ENOSF1: variants seen among roughly 807,000 people sequenced by gnomAD.
The protein encoded by ENOSF1 is enolase superfamily member 1.
Under a neutral mutation model 68.2 loss-of-function variants are expected in ENOSF1, and 73 were observed. The observed-to-expected ratio is 1.07, with a 90% CI of 0.89 to 1.30. The LOEUF (loss-of-function observed/expected upper bound fraction) is 1.30. Among genes scored for constraint, ENOSF1 ranks in the 50% most tolerant of loss-of-function variants. ENOSF1 has a pLI of 0.00. For synonymous variants in ENOSF1, 223 were observed against 210.4 expected, an observed-to-expected ratio of 1.06 and a Z score of -0.52; for missense variants, 589 against 554.5, an observed-to-expected ratio of 1.06 and a Z score of -0.62.
At chr18:700,371 G>A (rs1012468309) in intron 2 of ENOSF1, among the ~76,000 whole-genome samples, 3 of 152,080 alleles carry the variant, frequency 2.0e-5, no homozygotes, top group Non-Finnish European at 2.9e-5. Flanking sequence ...CGTTATTATC[G>A]ACACCAAACC....
intron 2 of ENOSF1, among the ~76,000 whole-genome samples, chr18:699,009 A>C (rs1022876084): frequency 1.3e-5 from 2 of 152,014 alleles, no homozygotes; most frequent in African/African-American, 4.8e-5. Context: ...ACACCACACC[A>C]GCTAATTTTT....
intron 11 of ENOSF1, among the ~76,000 whole-genome samples, chr18:682,122 C>T (rs112385635): frequency 3.3e-5 from 5 of 152,164 alleles, no homozygotes; most frequent in African/African-American, 9.7e-5. Flanking sequence ...CAGGATGTGG[C>T]TATAAGCCAC....
chr18:693,558 G>A, intron 5 of ENOSF1: 1 of 985,342 alleles, frequency 1.0e-6, no homozygotes, highest in Non-Finnish European at 1.2e-6. Flanking sequence ...ATTTTGTGAG[G>A]TTCCTAGAGA....
chr18:710,546 C>T lies in ENOSF1; in HGVS notation c.84+1958G>A, dbSNP rs115639953. The stretch of plus-strand genomic sequence containing the variant: ...CTTTAGAAACAGGGTCTCACTGTGT[C>T]ATCCAGTGCCCAGGCTGGAATGCAG... On this transcript the variant is annotated intron_variant, in intron 1 of 15. Coordinates refer to ENST00000647584, the MANE Select transcript of ENOSF1 (RefSeq NM_017512.7). Among the ~76,000 whole-genome samples, 649 of 152,048 alleles carry T rather than the reference C, an allele frequency of 4.3e-3. 3 individuals carry two copies. Among genetic ancestry groups the T allele is most frequent in the African/African-American group, 0.015 (620 of 41,462 alleles).
chr18:690,725 A>G, intron 7 of ENOSF1, 94 bp from the exon 8 acceptor site: 1 of 1,562,500 alleles, frequency 6.4e-7, no homozygotes, highest in Non-Finnish European at 8.6e-7. Context: ...TGGAGAGTCC[A>G]GCTGTTCTCC....
intron 1 of ENOSF1, 40 bp from the exon 2 acceptor site, chr18:706,618 G>A (rs1466507923): frequency 1.4e-6 from 2 of 1,452,254 alleles, no homozygotes; most frequent in Admixed American, 3.4e-5. Context: ...ATGCCAGTGT[G>A]AGAAACCCGA....
chr18:705,194 G>T (rs2078805681), intron 2 of ENOSF1, among the ~76,000 whole-genome samples: 1 of 152,130 alleles, frequency 6.6e-6, no homozygotes, highest in Non-Finnish European at 1.5e-5. Flanking sequence ...AAATATCCAA[G>T]GGAGAGGTAT....
At chr18:674,449 G>T (rs2075266714) in intron 15 of ENOSF1, 43 bp from the exon 16 acceptor site, 3 of 1,244,198 alleles carry the variant, frequency 2.4e-6, no homozygotes, top group South Asian at 1.3e-5. Flanking sequence ...CAACCACCTG[G>T]AACAAAAACA....
chr18:667,203 T>A (rs796098656), downstream of ENOSF1, among the ~76,000 whole-genome samples: 36 of 61,248 alleles, frequency 5.9e-4, no homozygotes, highest in East Asian at 9.8e-4. Flanking sequence ...ATGGTGATGG[T>A]GATGGTGATG....
chr18:711,658 A>G (rs2079561072), intron 1 of ENOSF1, among the ~76,000 whole-genome samples: 1 of 152,196 alleles, frequency 6.6e-6, no homozygotes, highest in South Asian at 2.1e-4. Flanking sequence ...AGGGGAGGGA[A>G]GGCCTGACAT....
intron 11 of ENOSF1, among the ~76,000 whole-genome samples, chr18:680,056 A>G (rs1439405763): frequency 1.3e-5 from 2 of 152,230 alleles, no homozygotes; most frequent in Non-Finnish European, 2.9e-5. Context: ...AAAGTGGTAG[A>G]GACTGGGTTG....
chr18:678,010 T>G, intron 12 of ENOSF1, 138 bp from the exon 13 acceptor site: 1 of 1,055,316 alleles, frequency 9.5e-7, no homozygotes, highest in Non-Finnish European at 1.3e-6. Flanking sequence ...TATTTCTTCT[T>G]TGTTCTCGCT....
intron 2 of ENOSF1, among the ~76,000 whole-genome samples, chr18:700,386 T>C (rs1299415666): frequency 6.6e-6 from 1 of 152,186 alleles, no homozygotes; most frequent in African/African-American, 2.4e-5. Flanking sequence ...CAAACCACCG[T>C]CTCAAGGATT....
At chr18:678,669 C>T in intron 12 of ENOSF1, 27 bp downstream of exon 12, 1 of 1,612,608 alleles carries the variant, frequency 6.2e-7, no homozygotes, top group Non-Finnish European at 8.5e-7. Flanking sequence ...AAGGGGACGT[C>T]ATCCACCTGT....
Position 691,138 on chromosome 18 carries a change from T to G in ENOSF1, c.497-32A>C, listed in dbSNP as rs1277239777. ...GAAATAAAAAGCATCACTCACTCTT[T>G]TAGGAAACAAAGCATGCCACTACTG... is the stretch of plus-strand genomic sequence containing the variant. On this transcript the variant is annotated intron_variant, in intron 6 of 15. Transcript: ENST00000647584. 4 of 1,614,002 alleles carry G rather than the reference T, an allele frequency of 2.5e-6. No individual in the cohort carries two copies. The South Asian group carries it at 4.4e-5, about 18-fold the overall frequency.
At chr18:700,913 AAC>A (rs1253083915) in intron 2 of ENOSF1, among the ~76,000 whole-genome samples, 21 of 148,276 alleles carry the variant, frequency 1.4e-4, no homozygotes, top group African/African-American at 4.9e-4. Context: ...AAAAAAAAAA[AAC>A]AAGAGAAATT....
In ENOSF1 at chr18:678,718, A is replaced by G. The variant is rs1367610747; in HGVS notation, c.896T>C (p.Ile299Thr). The change falls in exon 12 of 16, where the codon ATT becomes ACT. Residue 299 changes from isoleucine (I) to threonine (T), a missense_variant. By Grantham distance (89) the Ile-to-Thr change is moderately conservative. Coordinates refer to ENST00000647584, the MANE Select transcript of ENOSF1 (RefSeq NM_017512.7). Reference protein sequence around the residue: ...TISKALVPLGIGIATGEQCHN... With the variant: ...TISKALVPLGTGIATGEQCHN... ...CACCTGTTCTCCTGTGGCAATGCCAATTCCTAATGGGACCAGTGCCTATAA... is the reference window on the plus strand; with the variant it reads ...CACCTGTTCTCCTGTGGCAATGCCAGTTCCTAATGGGACCAGTGCCTATAA... 6.2e-7 allele frequency: 1 copy of G among 1,614,182 alleles called. No individual in the cohort carries two copies. The highest frequency in any genetic ancestry group is 8.5e-7 in the Non-Finnish European group (1 of 1,180,040).
intron 8 of ENOSF1, among the ~76,000 whole-genome samples, chr18:689,001 TCCA>T (rs375573001): frequency 5.3e-5 from 8 of 152,186 alleles, no homozygotes; most frequent in Middle Eastern, 3.4e-3. Flanking sequence ...CAGTAATAAA[TCCA>T]CCATGTGCCG....
chr18:685,044 T>A (rs996085965), intron 10 of ENOSF1, among the ~76,000 whole-genome samples: 11 of 152,202 alleles, frequency 7.2e-5, no homozygotes, highest in South Asian at 6.2e-4. Flanking sequence ...TCTTCTTTCT[T>A]TTAGAGAGAG....
Sources: allele counts gnomAD v4.1 joint callset (sites outside exome capture counted in the v4.1 genomes callset), GRCh38; gene constraint gnomAD v4.1.1; transcripts MANE v1.5; gene names NCBI Gene and HGNC (gene_info 2026-07-23, HGNC 2026-07-21).